Variants in SHOC1 observed in about 807,000 individuals in gnomAD.
SHOC1 encodes protein shortage in chiasmata 1 ortholog.
In SHOC1, 136 loss-of-function variants were observed where a neutral mutation model predicts 179.2. The observed-to-expected ratio is 0.76, with a 90% CI of 0.66 to 0.87. The LOEUF (loss-of-function observed/expected upper bound fraction) is 0.87. SHOC1 is among the 40% of genes least tolerant of loss of function. The pLI is 0.00. For missense variants in SHOC1, 1,538 were observed against 1,700.8 expected (o/e 0.90, Z 1.68); for synonymous variants, 489 against 586.6 (o/e 0.83, Z 2.41).
chr9:111,766,247 G>A (rs1271358054), intron 5 of SHOC1, among the ~76,000 whole-genome samples: 1 of 152,060 alleles, frequency 6.6e-6, no homozygotes, highest in East Asian at 1.9e-4. Context: ...CTTTTTTGTG[G>A]CTGAATAATA....
intron 2 of SHOC1, among the ~76,000 whole-genome samples, chr9:111,786,923 C>T (rs2131645978): frequency 6.6e-6 from 1 of 152,280 alleles, no homozygotes; most frequent in East Asian, 1.9e-4. Flanking sequence ...TAAGTTGAAG[C>T]TAATGCTCAT....
At chr9:111,763,710 G>T (rs554794036) in intron 5 of SHOC1, among the ~76,000 whole-genome samples, 1 of 152,256 alleles carries the variant, frequency 6.6e-6, no homozygotes, top group African/African-American at 2.4e-5. Flanking sequence ...TAAACTGGCA[G>T]CTACAAGGTT....
chr9:111,701,516 T>C (rs562096199), intron 23 of SHOC1, among the ~76,000 whole-genome samples: 2 of 152,256 alleles, frequency 1.3e-5, no homozygotes, highest in South Asian at 4.1e-4. Flanking sequence ...AAAACAACTT[T>C]TAAAAATTTC....
Position 111,758,806 on chromosome 9 carries a change from C to T in SHOC1, c.485G>A (p.Arg162Lys), listed in dbSNP as rs41308926. The T allele has an allele frequency of 0.056, 88,116 of 1,568,772 alleles. 2,882 individuals are homozygous for T. Among genetic ancestry groups the T allele is most frequent in the Middle Eastern group, 0.084 (457 of 5,466 alleles). The stretch of plus-strand genomic sequence containing the variant: ...AGTAGGCAAAGTTGGTAGGTGTTTT[C>T]TACTACTTACAAAAAGTATTCCTTT... The part of the protein sequence containing the change: ...DDKGILFVSS[R>K]KHLPTLPTLL... The change falls in exon 6 of 28, where the codon AGA becomes AAA. Residue 162 changes from arginine to lysine, a missense_variant. Arg to Lys is a conservative substitution (Grantham distance 26). Coordinates refer to ENST00000682961, the MANE Select transcript of SHOC1 (RefSeq NM_001378211.1).
chr9:111,706,789 T>A, intron 19 of SHOC1, 43 bp from the exon 20 acceptor site: 1 of 1,388,428 alleles, frequency 7.2e-7, no homozygotes, highest in Non-Finnish European at 9.7e-7. Context: ...TATACTTGTG[T>A]TATTATTTTG....
At chr9:111,767,355 T>C (rs956660126) in intron 5 of SHOC1, among the ~76,000 whole-genome samples, 1 of 152,206 alleles carries the variant, frequency 6.6e-6, no homozygotes, top group Admixed American at 6.5e-5. Context: ...TCCATTTTTA[T>C]TTGATTTTTG....
At chr9:111,753,394 C>T (rs1440759642) in intron 8 of SHOC1, among the ~76,000 whole-genome samples, 4 of 151,990 alleles carry the variant, frequency 2.6e-5, no homozygotes, top group African/African-American at 9.7e-5. Flanking sequence ...TGAATATTGA[C>T]ACAAAATTAA....
chr9:111,716,454 A>G (rs759006728), intron 16 of SHOC1, among the ~76,000 whole-genome samples: 1 of 133,192 alleles, frequency 7.5e-6, no homozygotes, highest in African/African-American at 3.0e-5. Context: ...GCAATGGCGC[A>G]ATCTTGGCTC....
rs1427917104 is a variant in SHOC1 at position 111,738,536 on chromosome 9, A to T, written c.1175-14T>A. ...GAATTCTTGGCACTTAAAAAAAAAT[A>T]AAAAACAAATAGTTAGAAACAGTCT... On this transcript the variant is annotated splice_polypyrimidine_tract_variant and intron_variant, in intron 11 of 27. Transcript: ENST00000682961. The T allele has an allele frequency of 2.0e-6, 3 of 1,531,622 alleles. No individual in the cohort carries two copies. The highest frequency in any genetic ancestry group is 2.6e-6 in the Non-Finnish European group (3 of 1,148,444). The allele number at this position is 1,531,622 out of a possible 1,614,324, so 94.9% of individuals were successfully genotyped here.
chr9:111,793,174 G>A (rs1345918523), intron 1 of SHOC1, among the ~76,000 whole-genome samples: 1 of 152,140 alleles, frequency 6.6e-6, no homozygotes, highest in African/African-American at 2.4e-5. Flanking sequence ...GAGCCACCGC[G>A]CCCGGCCTGT....
intron 12 of SHOC1, among the ~76,000 whole-genome samples, chr9:111,729,030 TA>T (rs879876008): frequency 7.9e-5 from 12 of 152,346 alleles, no homozygotes; most frequent in Middle Eastern, 3.4e-3. Flanking sequence ...ACTTTAATTT[TA>T]AAATACTTTA....
chr9:111,697,753 A>T (rs1384809236), intron 24 of SHOC1, among the ~76,000 whole-genome samples: 3 of 152,140 alleles, frequency 2.0e-5, no homozygotes, highest in Admixed American at 6.6e-5. Flanking sequence ...TCTAGATCCT[A>T]GAGGAATCGC....
intron 4 of SHOC1, among the ~76,000 whole-genome samples, chr9:111,779,442 C>T (rs916608579): frequency 5.9e-5 from 9 of 152,102 alleles, no homozygotes; most frequent in African/African-American, 2.2e-4. Context: ...TTAGTTTTCA[C>T]CAAACTAGCC....
intron 15 of SHOC1, among the ~76,000 whole-genome samples, chr9:111,718,998 T>C (rs1383257989): frequency 6.6e-6 from 1 of 152,164 alleles, no homozygotes; most frequent in Non-Finnish European, 1.5e-5. Flanking sequence ...GAACAAAGAA[T>C]TCTGCTAAAA....
chr9:111,771,242 G>A (rs1224223240), intron 5 of SHOC1, among the ~76,000 whole-genome samples: 1 of 152,116 alleles, frequency 6.6e-6, no homozygotes, highest in Non-Finnish European at 1.5e-5. Context: ...TTATTTTAAA[G>A]AGATAATATT....
chr9:111,696,002 G>T (rs910472686), intron 24 of SHOC1, among the ~76,000 whole-genome samples: 5 of 152,162 alleles, frequency 3.3e-5, no homozygotes, highest in Non-Finnish European at 7.4e-5. Context: ...AGGGTTAAAA[G>T]CCATAATTTT....
At chr9:111,777,709 G>A (rs180854527) in intron 4 of SHOC1, among the ~76,000 whole-genome samples, 1 of 152,184 alleles carries the variant, frequency 6.6e-6, no homozygotes, top group Admixed American at 6.5e-5. Context: ...TGGCAACTTA[G>A]TTATACATCC....
chr9:111,691,843 TG>T lies in SHOC1; in HGVS notation c.4133del (p.Ala1378AspfsTer79). ...ACAATTTGTTACATGCAGTCTGCTGTGCACCATATTGTAAGTTGAACGGGTG... is the reference window on the plus strand; with the variant it reads ...ACAATTTGTTACATGCAGTCTGCTGTCACCATATTGTAAGTTGAACGGGTG... The part of the protein sequence containing the change: ...ENHPFNLQYG[A>X]QQTACNKLYS... On this transcript the variant is annotated frameshift_variant, in exon 27 of 28. Transcript: ENST00000682961. LOFTEE classifies it high-confidence loss of function. 6.2e-7 allele frequency: 1 copy of T among 1,613,784 alleles called. No homozygotes were observed. The highest frequency in any genetic ancestry group is 8.5e-7 in the Non-Finnish European group (1 of 1,179,944).
chr9:111,723,716 G>A, intron 14 of SHOC1, 76 bp downstream of exon 14: 1 of 1,329,824 alleles, frequency 7.5e-7, no homozygotes, highest in Non-Finnish European at 1.1e-6. Flanking sequence ...TGGAAAATGA[G>A]GTATGTCCTA....
Sources: gnomAD v4.1 joint callset for allele counts (sites outside exome capture counted in the v4.1 genomes callset) on GRCh38, gnomAD v4.1.1 for gene constraint, MANE v1.5 for transcripts, NCBI Gene and HGNC (gene_info 2026-07-23, HGNC 2026-07-21) for gene names.